SLC25A48: variants seen among roughly 807,000 people sequenced by gnomAD.
SLC25A48 encodes the protein solute carrier family 25 member 48.
A neutral mutation model predicts 32.2 loss-of-function variants in SLC25A48; 29 were observed. That is an observed-to-expected ratio of 0.90 (90% confidence interval 0.67 to 1.23). The LOEUF (loss-of-function observed/expected upper bound fraction) is 1.23. SLC25A48 is among the 50% of genes most tolerant of loss of function. SLC25A48 has a pLI of 0.00. For synonymous variants in SLC25A48, 164 were observed against 172.3 expected, an observed-to-expected ratio of 0.95 and a Z score of 0.38; for missense variants, 399 against 422.7, an observed-to-expected ratio of 0.94 and a Z score of 0.49.
chr5:135,625,975 C>G (rs865966641), intron 1 of SLC25A48, among the ~76,000 whole-genome samples: 1 of 152,212 alleles, frequency 6.6e-6, no homozygotes, highest in African/African-American at 2.4e-5. Context: ...TAAGTGGCCA[C>G]CACTGCCCCA....
Position 135,750,449 on chromosome 5 carries a change from G to T in SLC25A48, c.-520-62074G>T, listed in dbSNP as rs1194482015. On this transcript the variant is annotated intron_variant, in intron 3 of 10. Transcript: ENST00000646290. ...AGTGGCCTCCCTCTCTCAGTATTCA[G>T]TGGTCTAGCCTGAGTACCTTTAAAT... Among the ~76,000 whole-genome samples the T allele has an allele frequency of 3.9e-5, 6 of 152,138 alleles. No individual in the cohort carries two copies. In the East Asian group the frequency reaches 1.2e-3, roughly 29 times the overall value.
chr5:135,708,928 T>C (rs1172949201), intron 3 of SLC25A48, among the ~76,000 whole-genome samples: 1 of 152,218 alleles, frequency 6.6e-6, no homozygotes, highest in Non-Finnish European at 1.5e-5. Flanking sequence ...TTGTAGAATA[T>C]GACATTTGCT....
intron 3 of SLC25A48, among the ~76,000 whole-genome samples, chr5:135,715,919 T>C (rs1754785177): frequency 6.6e-6 from 1 of 152,218 alleles, no homozygotes; most frequent in South Asian, 2.1e-4. Context: ...ATCCTGTTTC[T>C]CTGGGCTGTG....
intron 3 of SLC25A48, among the ~76,000 whole-genome samples, chr5:135,731,797 T>C (rs1414966680): frequency 1.3e-5 from 2 of 152,230 alleles, no homozygotes; most frequent in African/African-American, 4.8e-5. Context: ...AAAGATTATT[T>C]ATTTACTTTA....
intron 3 of SLC25A48, among the ~76,000 whole-genome samples, chr5:135,776,668 G>A (rs1175688284): frequency 6.6e-6 from 1 of 150,686 alleles, no homozygotes; most frequent in Non-Finnish European, 1.5e-5. Context: ...GAGGGAGAGT[G>A]ATATTTCTCC....
chr5:135,672,570 C>CA lies in SLC25A48; in HGVS notation c.-521+37615dup, dbSNP rs774795941. ...AGCTCTAGCTGCTAATCAGTAAGAC[C>CA]AGCCATGGCCAAGATGGAGTGGAGG... On this transcript the variant is annotated intron_variant, in intron 3 of 10. Coordinates refer to the SLC25A48 transcript ENST00000646290. Among the ~76,000 whole-genome samples the CA allele has an allele frequency of 3.9e-5, 6 of 152,168 alleles. No individual in the cohort carries two copies. In the East Asian group the frequency reaches 1.2e-3, roughly 29 times the overall value.
At chr5:135,695,878 T>G (rs1048347176) in intron 3 of SLC25A48, among the ~76,000 whole-genome samples, 8 of 152,288 alleles carry the variant, frequency 5.3e-5, no homozygotes, top group African/African-American at 1.9e-4. Flanking sequence ...TCTTAGTCAC[T>G]TGGCAAGAGA....
chr5:135,810,780 T>C (rs530941479), intron 3 of SLC25A48, among the ~76,000 whole-genome samples: 3 of 152,328 alleles, frequency 2.0e-5, no homozygotes, highest in Non-Finnish European at 4.4e-5. Flanking sequence ...ACTGAACGCC[T>C]TCGCTTTTTA....
chr5:135,822,794 G>A (rs541094003), intron 4 of SLC25A48, among the ~76,000 whole-genome samples: 7 of 152,228 alleles, frequency 4.6e-5, no homozygotes, highest in African/African-American at 1.4e-4. Context: ...TCAGACCTGG[G>A]TGCTGCCATT....
chr5:135,856,407 A>G (rs1016800780), intron 4 of SLC25A48, among the ~76,000 whole-genome samples: 1 of 152,156 alleles, frequency 6.6e-6, no homozygotes, highest in African/African-American at 2.4e-5. Flanking sequence ...GGGTTTCAGC[A>G]TGTATCATGG....
chr5:135,830,671 A>G (rs1351976454), upstream of SLC25A48, among the ~76,000 whole-genome samples: 1 of 152,220 alleles, frequency 6.6e-6, no homozygotes, highest in Non-Finnish European at 1.5e-5. Flanking sequence ...TTTCCTTCCC[A>G]TCAGAGTCAA....
intron 3 of SLC25A48, among the ~76,000 whole-genome samples, chr5:135,708,142 T>C (rs6874289): frequency 0.68 from 103,336 of 152,050 alleles, 35,929 homozygotes; most frequent in Middle Eastern, 0.77. Flanking sequence ...TAGATTCTAT[T>C]CGTGAGCCCC....
intron 1 of SLC25A48, among the ~76,000 whole-genome samples, chr5:135,593,154 C>T (rs1227781593): frequency 1.3e-5 from 2 of 152,124 alleles, no homozygotes; most frequent in Non-Finnish European, 2.9e-5. Context: ...GCATTGTTCC[C>T]CCCACACCCC....
chr5:135,777,635 G>A (rs752376203), intron 3 of SLC25A48, among the ~76,000 whole-genome samples: 29 of 150,530 alleles, frequency 1.9e-4, no homozygotes, highest in Non-Finnish European at 3.5e-4. Flanking sequence ...TCCTAATATC[G>A]AGGAGGAGAG....
At chr5:135,735,955 A>T (rs1028340433) in intron 3 of SLC25A48, among the ~76,000 whole-genome samples, 2 of 152,172 alleles carry the variant, frequency 1.3e-5, no homozygotes, top group African/African-American at 4.8e-5. Context: ...CTAGTCTTGG[A>T]TCCAAACTGT....
At chr5:135,583,817 C>G (rs1751290552) in intron 1 of SLC25A48, among the ~76,000 whole-genome samples, 1 of 152,176 alleles carries the variant, frequency 6.6e-6, no homozygotes. Flanking sequence ...GTGCCTCTCC[C>G]TCTCCAGCTC....
chr5:135,660,792 C>T (rs1244403266), intron 3 of SLC25A48, among the ~76,000 whole-genome samples: 1 of 152,182 alleles, frequency 6.6e-6, no homozygotes, highest in Non-Finnish European at 1.5e-5. Context: ...GCTTCTGATT[C>T]AGCAGTTGGG....
chr5:135,768,262 A>T (rs1756301306), intron 3 of SLC25A48, among the ~76,000 whole-genome samples: 1 of 147,472 alleles, frequency 6.8e-6, no homozygotes, highest in African/African-American at 2.5e-5. Flanking sequence ...CAGTATTGAA[A>T]ACGGTGTACA....
chr5:135,842,488 T>C, intron 2 of SLC25A48, 29 bp downstream of exon 2: 1 of 1,607,798 alleles, frequency 6.2e-7, no homozygotes, highest in Non-Finnish European at 8.5e-7. Context: ...CCATTACCTC[T>C]TAAAAAGAGG....
Sources: allele counts gnomAD v4.1 joint callset (sites outside exome capture counted in the v4.1 genomes callset), GRCh38; gene constraint gnomAD v4.1.1; transcripts MANE v1.5; gene names NCBI Gene and HGNC (gene_info 2026-07-23, HGNC 2026-07-21).